AGBL4: variants seen among roughly 807,000 people sequenced by gnomAD.
AGBL4 encodes the protein cytosolic carboxypeptidase 6.
AGBL4 carries 58 observed loss-of-function variants against 66.4 expected under a neutral mutation model. That is an observed-to-expected ratio of 0.87 (90% confidence interval 0.71 to 1.09). The LOEUF is 1.09. AGBL4 is among the 50% of genes least tolerant of loss of function. AGBL4 has a pLI of 0.00. For synonymous variants in AGBL4, 234 were observed against 222.9 expected (o/e 1.05, Z -0.44); for missense variants, 579 against 631.0 (o/e 0.92, Z 0.88).
intron 2 of AGBL4, among the ~76,000 whole-genome samples, chr1:49,709,313 G>A (rs1367057788): frequency 6.6e-6 from 1 of 152,158 alleles, no homozygotes; most frequent in Non-Finnish European, 1.5e-5. Flanking sequence ...GCACTGCGGT[G>A]GGCTCTGCCC....
intron 5 of AGBL4, among the ~76,000 whole-genome samples, chr1:49,003,184 C>T (rs994554843): frequency 7.9e-5 from 12 of 152,078 alleles, no homozygotes; most frequent in Non-Finnish European, 1.0e-4. Context: ...GATCGCCTGA[C>T]GTCAAGGGTT....
At chr1:49,673,236 A>G (rs1239421586) in intron 3 of AGBL4, among the ~76,000 whole-genome samples, 1 of 152,112 alleles carries the variant, frequency 6.6e-6, no homozygotes, top group Non-Finnish European at 1.5e-5. Context: ...AAAATCAATA[A>G]ATTTCTTATT....
intron 5 of AGBL4, among the ~76,000 whole-genome samples, chr1:48,999,384 C>T (rs954736424): frequency 6.6e-6 from 1 of 152,202 alleles, no homozygotes; most frequent in Non-Finnish European, 1.5e-5. Flanking sequence ...TACCTTCAGG[C>T]TCCCTTCCAA....
chr1:49,134,291 C>T (rs536778489), intron 4 of AGBL4, among the ~76,000 whole-genome samples: 1 of 152,220 alleles, frequency 6.6e-6, no homozygotes, highest in East Asian at 1.9e-4. Context: ...TACCACTGTG[C>T]ACACATTGTC....
At position 49,846,044 on chromosome 1, in the gene AGBL4, C is replaced by T. The variant is rs554705005; in HGVS notation, c.157+5352G>A. 1.9e-4 allele frequency: 305 copies of T among 1,591,904 alleles called. 1 individual carries two copies. The Middle Eastern group carries it at 2.2e-3, about 11-fold the overall frequency. ...CAGAGCCTTCAGTCAGCTTGCTCCC[C>T]TCATTCAGCATCAGAGGATCCACAC... On this transcript the variant is annotated intron_variant, in intron 2 of 13. Transcript: ENST00000371839.
intron 10 of AGBL4, among the ~76,000 whole-genome samples, chr1:48,587,417 G>C (rs1365604140): frequency 1.3e-5 from 2 of 151,870 alleles, no homozygotes; most frequent in Non-Finnish European, 2.9e-5. Flanking sequence ...AGAGGGAGCA[G>C]GGAAAAGCAG....
chr1:49,830,130 C>T (rs1268936174), intron 2 of AGBL4, among the ~76,000 whole-genome samples: 3 of 152,144 alleles, frequency 2.0e-5, no homozygotes, highest in Admixed American at 6.5e-5. Flanking sequence ...GGGTATATAA[C>T]CAGTAGTGGG....
intron 6 of AGBL4, among the ~76,000 whole-genome samples, chr1:48,856,573 G>T (rs1647159134): frequency 6.6e-6 from 1 of 152,074 alleles, no homozygotes; most frequent in Non-Finnish European, 1.5e-5. Flanking sequence ...ATCTAGTTTG[G>T]CCTCTCTTGT....
At chr1:49,686,614 A>G (rs943537864) in intron 3 of AGBL4, among the ~76,000 whole-genome samples, 11 of 152,352 alleles carry the variant, frequency 7.2e-5, no homozygotes, top group African/African-American at 2.6e-4. Flanking sequence ...TATTCACATA[A>G]TAGAAAATAA....
At chr1:48,666,373 A>G (rs1430784941) in intron 6 of AGBL4, among the ~76,000 whole-genome samples, 1 of 152,180 alleles carries the variant, frequency 6.6e-6, no homozygotes, top group Non-Finnish European at 1.5e-5. Context: ...AGAACAACTC[A>G]TAAGAGATAG....
chr1:49,526,891 A>G (rs992742540), intron 3 of AGBL4, among the ~76,000 whole-genome samples: 4 of 152,168 alleles, frequency 2.6e-5, no homozygotes, highest in Non-Finnish European at 5.9e-5. Flanking sequence ...AGGTAAAAGC[A>G]GTAGAAAAAG....
At chr1:49,744,508 A>AT (rs1650831124) in intron 2 of AGBL4, among the ~76,000 whole-genome samples, 1 of 151,946 alleles carries the variant, frequency 6.6e-6, no homozygotes. Context: ...CAATAGACCA[A>AT]TACACTAGCA....
At chr1:49,517,622 C>G (rs1649939324) in intron 3 of AGBL4, among the ~76,000 whole-genome samples, 1 of 151,944 alleles carries the variant, frequency 6.6e-6, no homozygotes, top group Non-Finnish European at 1.5e-5. Flanking sequence ...TAATAAAGCA[C>G]TACTACCTCC....
At chr1:48,742,346 T>C (rs1222001489) in intron 6 of AGBL4, among the ~76,000 whole-genome samples, 1 of 152,172 alleles carries the variant, frequency 6.6e-6, no homozygotes, top group Non-Finnish European at 1.5e-5. Context: ...TCTTTGTCAC[T>C]AGTAAGCTAT....
At chr1:48,697,047 T>G (rs1289623658) in intron 6 of AGBL4, among the ~76,000 whole-genome samples, 1 of 152,152 alleles carries the variant, frequency 6.6e-6, no homozygotes, top group Non-Finnish European at 1.5e-5. Flanking sequence ...GCAGACTCTT[T>G]GAGGGCAGGG....
At chr1:49,517,962 T>A (rs1649963074) in intron 3 of AGBL4, among the ~76,000 whole-genome samples, 1 of 152,076 alleles carries the variant, frequency 6.6e-6, no homozygotes, top group Non-Finnish European at 1.5e-5. Flanking sequence ...CTACCTTTGC[T>A]ATTGTACCCT....
chr1:49,164,487 G>C (rs947589593), intron 4 of AGBL4, among the ~76,000 whole-genome samples: 1 of 152,120 alleles, frequency 6.6e-6, no homozygotes, highest in Admixed American at 6.6e-5. Flanking sequence ...AAGCGCACAA[G>C]CAACTGTAAT....
At chr1:49,212,329 T>C (rs1648737975) in intron 4 of AGBL4, among the ~76,000 whole-genome samples, 1 of 152,144 alleles carries the variant, frequency 6.6e-6, no homozygotes, top group South Asian at 2.1e-4. Context: ...ATCCCATTAG[T>C]TGCAATTCAA....
intron 2 of AGBL4, among the ~76,000 whole-genome samples, chr1:49,744,534 A>G (rs1650834382): frequency 6.6e-6 from 1 of 152,138 alleles, no homozygotes; most frequent in Non-Finnish European, 1.5e-5. Flanking sequence ...AACCTACAAA[A>G]AATACTAAAG....
Sources: gnomAD v4.1 joint callset for allele counts (sites outside exome capture counted in the v4.1 genomes callset) on GRCh38, gnomAD v4.1.1 for gene constraint, MANE v1.5 for transcripts, NCBI Gene and HGNC (gene_info 2026-07-23, HGNC 2026-07-21) for gene names.